The following CCNY variants were observed in gnomAD, a reference collection of about 807,000 sequenced individuals.
CCNY encodes cyclin Y.
CCNY carries 19 observed loss-of-function variants against 42.8 expected under a neutral mutation model. That is an observed-to-expected ratio of 0.44 (90% CI 0.31 to 0.65). The LOEUF is 0.65. Among genes scored for constraint, CCNY ranks in the 30% least tolerant of loss-of-function variants. CCNY has a pLI of 0.07. For synonymous variants in CCNY, 165 were observed against 162.7 expected, an observed-to-expected ratio of 1.01 and a Z score of -0.11; for missense variants, 370 against 437.3, an observed-to-expected ratio of 0.85 and a Z score of 1.37.
intron 1 of CCNY, among the ~76,000 whole-genome samples, chr10:35,438,243 G>A (rs549960244): frequency 6.6e-6 from 1 of 150,978 alleles, no homozygotes; most frequent in East Asian, 2.0e-4. Context: ...CAGCCTCCCA[G>A]GCTAAAGCTG....
chr10:35,281,446 C>A (rs1206850663), intron 3 of CCNY, among the ~76,000 whole-genome samples: 1 of 151,940 alleles, frequency 6.6e-6, no homozygotes, highest in Non-Finnish European at 1.5e-5. Context: ...ATTACAGGCA[C>A]CTGCCACCGT....
At chr10:35,549,562 C>T (rs566917813) in intron 7 of CCNY, among the ~76,000 whole-genome samples, 117 of 137,660 alleles carry the variant, frequency 8.5e-4, no homozygotes, top group African/African-American at 3.0e-3. Flanking sequence ...CGTGACCCTG[C>T]GCTGCTCATG....
chr10:35,392,339 T>G (rs1422864288), intron 1 of CCNY, among the ~76,000 whole-genome samples: 1 of 152,214 alleles, frequency 6.6e-6, no homozygotes, highest in Non-Finnish European at 1.5e-5. Flanking sequence ...AAGGCACTGT[T>G]CTGGGTGTTG....
At chr10:35,566,534 G>A (rs1318442827) in intron 9 of CCNY, among the ~76,000 whole-genome samples, 1 of 152,080 alleles carries the variant, frequency 6.6e-6, no homozygotes, top group Non-Finnish European at 1.5e-5. Flanking sequence ...GTAGAGATGG[G>A]GTTTCACAAT....
At chr10:35,417,605 T>G (rs1194367343) in intron 1 of CCNY, among the ~76,000 whole-genome samples, 6 of 152,178 alleles carry the variant, frequency 3.9e-5, no homozygotes, top group Non-Finnish European at 8.8e-5. Flanking sequence ...ACCAGATGAT[T>G]TGTAGAGCTT....
chr10:35,490,787 C>T (rs1564432180), intron 2 of CCNY, among the ~76,000 whole-genome samples: 1 of 152,220 alleles, frequency 6.6e-6, no homozygotes, highest in South Asian at 2.1e-4. Context: ...GCTTGTCTTT[C>T]CATCTGGTGC....
At chr10:35,272,880 C>T (rs1485352074) in intron 3 of CCNY, among the ~76,000 whole-genome samples, 2 of 151,726 alleles carry the variant, frequency 1.3e-5, no homozygotes, top group Non-Finnish European at 2.9e-5. Flanking sequence ...TTTACACTCC[C>T]ACCAACATTG....
intron 1 of CCNY, among the ~76,000 whole-genome samples, chr10:35,442,948 C>T (rs542620965): frequency 1.3e-5 from 2 of 152,326 alleles, no homozygotes; most frequent in African/African-American, 4.8e-5. Flanking sequence ...TCCTAGGCTA[C>T]AAACTTGTAC....
At chr10:35,499,563 T>C (rs1840069675) in intron 2 of CCNY, among the ~76,000 whole-genome samples, 1 of 152,240 alleles carries the variant, frequency 6.6e-6, no homozygotes. Flanking sequence ...TACACGTGAA[T>C]AATTCCTAAT....
At position 35,566,051 on chromosome 10, in the gene CCNY, T is replaced by C. The variant is rs1841563694; in HGVS notation, c.775T>C (p.Leu259=). ...MNELERQFLE[L]LQFNINVPSS... ...CGAGCTAGAGCGACAGTTTCTTGAA[T>C]TGCTGCAGTTCAACATCAATGTTCC... The change falls in exon 9 of 10, where the codon TTG becomes CTG. Residue 259 remains leucine, a synonymous_variant. Coordinates refer to ENST00000374704, the MANE Select transcript of CCNY (RefSeq NM_145012.6). The C allele has an allele frequency of 6.2e-7, 1 of 1,614,026 alleles. No individual in the cohort carries two copies. Among genetic ancestry groups the C allele is most frequent in the East Asian group, 2.2e-5 (1 of 44,876 alleles).
chr10:35,348,753 C>T (rs1003018712), intron 1 of CCNY, among the ~76,000 whole-genome samples: 1 of 152,106 alleles, frequency 6.6e-6, no homozygotes, highest in African/African-American at 2.4e-5. Flanking sequence ...TGTGCTGTGC[C>T]CTGGAGAATG....
chr10:35,546,134 T>C (rs1023281816), intron 7 of CCNY, among the ~76,000 whole-genome samples: 13 of 152,230 alleles, frequency 8.5e-5, no homozygotes, highest in African/African-American at 3.1e-4. Context: ...TATTGGAACA[T>C]GCTCTAATCA....
rs73264684 is a variant in CCNY at position 35,368,072 on chromosome 10, T to C, written c.154+30865T>C. Among the ~76,000 whole-genome samples, 1,263 of 152,328 alleles carry C rather than the reference T, an allele frequency of 8.3e-3. 20 individuals carry two copies. Among genetic ancestry groups the C allele is most frequent in the African/African-American group, 0.029 (1,190 of 41,570 alleles). On this transcript the variant is annotated intron_variant, in intron 1 of 9. Coordinates refer to ENST00000374704, the MANE Select transcript of CCNY (RefSeq NM_145012.6). ...TTGAAAGATTGGATAGAGTCTGCAATTGATTACAATTGAGGCTGTGGAGTC... is the reference window on the plus strand; with the variant it reads ...TTGAAAGATTGGATAGAGTCTGCAACTGATTACAATTGAGGCTGTGGAGTC...
At chr10:35,372,311 C>G (rs970624454) in intron 1 of CCNY, among the ~76,000 whole-genome samples, 3 of 152,152 alleles carry the variant, frequency 2.0e-5, no homozygotes, top group African/African-American at 7.2e-5. Flanking sequence ...GAATTTAATG[C>G]GTTAGCAGTG....
At chr10:35,253,851 T>C (rs2095713632) in intron 3 of CCNY, among the ~76,000 whole-genome samples, 1 of 151,526 alleles carries the variant, frequency 6.6e-6, no homozygotes, top group African/African-American at 2.4e-5. Context: ...TTGCTCTCAA[T>C]ATCCTCAACT....
In CCNY at chr10:35,355,678, C is replaced by CAAAAAAAAA. The variant is rs60257114; in HGVS notation, c.154+18491_154+18499dup. Among the ~76,000 whole-genome samples, 20 of 57,422 alleles carry CAAAAAAAAA rather than the reference C, an allele frequency of 3.5e-4. 3 individuals are homozygous for CAAAAAAAAA. Among genetic ancestry groups the CAAAAAAAAA allele is most frequent in the African/African-American group, 1.6e-3 (19 of 12,240 alleles). The allele number at this position is 57,422 out of a possible 152,430, so 37.7% of individuals were successfully genotyped here. A position where few individuals can be genotyped will look rare whatever the true frequency, so the allele number is the denominator to read the frequency against. ...GGGCAACAGAGCAAGATACTGTCTC[C>CAAAAAAAAA]AAAAAAAAAAAAAAAAAAAAAAAAA... is the stretch of plus-strand genomic sequence containing the variant. On this transcript the variant is annotated intron_variant, in intron 1 of 9. Coordinates refer to ENST00000374704, the MANE Select transcript of CCNY (RefSeq NM_145012.6).
At chr10:35,367,674 C>T (rs1487124548) in intron 1 of CCNY, among the ~76,000 whole-genome samples, 1 of 152,238 alleles carries the variant, frequency 6.6e-6, no homozygotes, top group African/African-American at 2.4e-5. Context: ...CCTGCTGCTG[C>T]CTGGAGCAGT....
Position 35,569,683 on chromosome 10 carries a change from T to G in CCNY, c.*513T>G, listed in dbSNP as rs561857733. On this transcript the variant is annotated 3_prime_UTR_variant, in exon 10 of 10. Coordinates refer to ENST00000374704, the MANE Select transcript of CCNY (RefSeq NM_145012.6). ...TGGTCCCACAGAGCAGGGGATGTAGTTTGTACCCACCATGGCGCAGACTTC... is the reference window on the plus strand; with the variant it reads ...TGGTCCCACAGAGCAGGGGATGTAGGTTGTACCCACCATGGCGCAGACTTC... 1 of 166,748 alleles carries G rather than the reference T, an allele frequency of 6.0e-6. No homozygotes were observed. Among genetic ancestry groups the G allele is most frequent in the East Asian group, 1.6e-4 (1 of 6,170 alleles). The allele number at this position is 166,748 out of a possible 1,614,324, so 10.3% of individuals were successfully genotyped here.
At chr10:35,374,211 T>C (rs1395163816) in intron 1 of CCNY, among the ~76,000 whole-genome samples, 4 of 152,240 alleles carry the variant, frequency 2.6e-5, no homozygotes, top group Non-Finnish European at 5.9e-5. Flanking sequence ...GCAGCAGTTG[T>C]GTGAAGTGTA....
Sources: allele counts gnomAD v4.1 joint callset (sites outside exome capture counted in the v4.1 genomes callset), GRCh38; gene constraint gnomAD v4.1.1; transcripts MANE v1.5; gene names NCBI Gene and HGNC (gene_info 2026-07-23, HGNC 2026-07-21).